The following SRPK2 variants were observed in gnomAD, a reference collection of about 807,000 sequenced individuals.
SRPK2 encodes the protein SFRS protein kinase 2.
A neutral mutation model predicts 90.8 loss-of-function variants in SRPK2; 21 were observed. The ratio of observed to expected loss-of-function variants is 0.23; its 90% confidence interval spans 0.16 to 0.33. The LOEUF is 0.33. Among genes scored for constraint, SRPK2 ranks in the 10% least tolerant of loss-of-function variants. The pLI is 1.00. For synonymous variants in SRPK2, 288 were observed against 311.1 expected (o/e 0.93, Z 0.78); for missense variants, 620 against 869.0 (o/e 0.71, Z 3.60).
intron 2 of SRPK2, among the ~76,000 whole-genome samples, chr7:105,232,352 G>A (rs1181111424): frequency 2.6e-5 from 4 of 151,658 alleles, no homozygotes; most frequent in Admixed American, 6.6e-5. Flanking sequence ...TCAGCTACTC[G>A]GGAGGCTGAG....
At chr7:105,125,111 C>G (rs908660141) in intron 15 of SRPK2, among the ~76,000 whole-genome samples, 11 of 113,330 alleles carry the variant, frequency 9.7e-5, no homozygotes, top group Admixed American at 2.5e-4. Flanking sequence ...GCCTGGGCAA[C>G]AGAGCAAGAC....
intron 2 of SRPK2, among the ~76,000 whole-genome samples, chr7:105,333,274 T>C (rs186915311): frequency 1.1e-4 from 16 of 152,338 alleles, no homozygotes; most frequent in Non-Finnish European, 1.8e-4. Flanking sequence ...AAATGTTACA[T>C]TGGAAATTAT....
Position 105,398,112 on chromosome 7 carries a change from G to A in SRPK2, n.153+1044C>T, listed in dbSNP as rs567694638. Among the ~76,000 whole-genome samples, 3 of 152,178 alleles carry A rather than the reference G, an allele frequency of 2.0e-5. No homozygotes were observed. In the South Asian group the frequency reaches 6.2e-4, roughly 32 times the overall value. ...TGGATATATTTTGGTCTCCATAGCAGTCCAAAATAAGTGAAAAAGGCAGTA... is the reference window on the plus strand; with the variant it reads ...TGGATATATTTTGGTCTCCATAGCAATCCAAAATAAGTGAAAAAGGCAGTA... On this transcript the variant is annotated intron_variant and non_coding_transcript_variant, in intron 1 of 3. Coordinates refer to the SRPK2 transcript ENST00000462282.
At chr7:105,360,014 A>T (rs1415938844) in intron 2 of SRPK2, among the ~76,000 whole-genome samples, 1 of 152,136 alleles carries the variant, frequency 6.6e-6, no homozygotes, top group African/African-American at 2.4e-5. Flanking sequence ...TGGGAATCTA[A>T]GTCTCTTTGT....
chr7:105,231,937 A>T (rs1417734004), intron 2 of SRPK2, among the ~76,000 whole-genome samples: 4 of 152,180 alleles, frequency 2.6e-5, no homozygotes, highest in Non-Finnish European at 4.4e-5. Context: ...AACTCACTGT[A>T]ACCTTGAACT....
upstream of SRPK2, among the ~76,000 whole-genome samples, chr7:105,390,279 C>G (rs1304259345): frequency 1.3e-5 from 2 of 152,122 alleles, no homozygotes; most frequent in African/African-American, 4.8e-5. Context: ...TTCAATTTTG[C>G]AAAATATCCC....
At chr7:105,295,368 A>C (rs1809667585) in intron 2 of SRPK2, among the ~76,000 whole-genome samples, 1 of 152,052 alleles carries the variant, frequency 6.6e-6, no homozygotes, top group Non-Finnish European at 1.5e-5. Flanking sequence ...GTAAATTAAT[A>C]TTTCATACTA....
chr7:105,180,090 A>T (rs994343745), intron 3 of SRPK2, among the ~76,000 whole-genome samples: 1 of 152,174 alleles, frequency 6.6e-6, no homozygotes, highest in African/African-American at 2.4e-5. Flanking sequence ...TAAAGTCCAT[A>T]AGGAACCAAA....
Position 105,185,705 on chromosome 7 carries a change from T to C in SRPK2, c.230-16440A>G, listed in dbSNP as rs1793490806. ...AAGGTCTCTATGTGGAAAACAAAAC[T>C]GATTTTTGAGCCTCACTCGAAAGCC... On this transcript the variant is annotated intron_variant, in intron 3 of 15. Transcript: ENST00000393651. 2.0e-5 allele frequency among the ~76,000 whole-genome samples: 3 copies of C among 152,324 alleles called. No homozygotes were observed. In the South Asian group the frequency reaches 6.2e-4, roughly 32 times the overall value.
intron 2 of SRPK2, among the ~76,000 whole-genome samples, chr7:105,268,555 T>C (rs1228917497): frequency 6.6e-6 from 1 of 152,226 alleles, no homozygotes; most frequent in Non-Finnish European, 1.5e-5. Flanking sequence ...CTGTCACACA[T>C]GAACCAGCGG....
At chr7:105,342,061 C>T (rs375912399) in intron 2 of SRPK2, among the ~76,000 whole-genome samples, 1 of 151,968 alleles carries the variant, frequency 6.6e-6, no homozygotes, top group Non-Finnish European at 1.5e-5. Flanking sequence ...GTCGGGAGAT[C>T]GAGACCATCC....
chr7:105,137,845 C>A (rs1021155519), intron 11 of SRPK2, among the ~76,000 whole-genome samples: 1 of 152,202 alleles, frequency 6.6e-6, no homozygotes, highest in African/African-American at 2.4e-5. Flanking sequence ...TTCATTGTTT[C>A]TCTTGCCTCA....
Position 105,241,776 on chromosome 7 carries a change from T to C in SRPK2, c.72-37991A>G, listed in dbSNP as rs140427012. On this transcript the variant is annotated intron_variant, in intron 2 of 15. Transcript: ENST00000393651. ...TATTTCATTACCAGCCCAACTCTCA[T>C]CTTTCTCCCTTCACACGTTCCATAT... Among the ~76,000 whole-genome samples, 444 of 152,212 alleles carry C rather than the reference T, an allele frequency of 2.9e-3. 1 individual carries two copies. The highest frequency in any genetic ancestry group is 9.9e-3 in the African/African-American group (411 of 41,516).
chr7:105,231,949 C>T (rs1453326645), intron 2 of SRPK2, among the ~76,000 whole-genome samples: 4 of 152,176 alleles, frequency 2.6e-5, no homozygotes, highest in Non-Finnish European at 4.4e-5. Context: ...CCTTGAACTC[C>T]TGGGCTCTAG....
chr7:105,311,310 G>A (rs1419865864), intron 2 of SRPK2, among the ~76,000 whole-genome samples: 1 of 152,062 alleles, frequency 6.6e-6, no homozygotes, highest in Non-Finnish European at 1.5e-5. Flanking sequence ...TGGACTTACT[G>A]CAACTTCCAC....
At chr7:105,168,601 A>ATGTTT (rs1255894276) in intron 4 of SRPK2, among the ~76,000 whole-genome samples, 1 of 152,094 alleles carries the variant, frequency 6.6e-6, no homozygotes, top group African/African-American at 2.4e-5. Flanking sequence ...AATCTCTTTT[A>ATGTTT]TGTTTTGTTT....
At chr7:105,293,486 T>TC (rs1437133478) in intron 2 of SRPK2, among the ~76,000 whole-genome samples, 1 of 151,846 alleles carries the variant, frequency 6.6e-6, no homozygotes, top group Non-Finnish European at 1.5e-5. Flanking sequence ...TTTGCAACCT[T>TC]CCCCCTCCAC....
intron 15 of SRPK2, chr7:105,125,723 C>T: frequency 1.3e-6 from 1 of 771,002 alleles, no homozygotes; most frequent in Non-Finnish European, 1.8e-6. Context: ...CACGAATGCA[C>T]AATTTCTCCT....
At chr7:105,362,740 T>G (rs1818580478) in intron 2 of SRPK2, among the ~76,000 whole-genome samples, 1 of 152,098 alleles carries the variant, frequency 6.6e-6, no homozygotes, top group South Asian at 2.1e-4. Flanking sequence ...TAAAGACACA[T>G]GTACATGTAT....
Sources: allele counts gnomAD v4.1 joint callset (sites outside exome capture counted in the v4.1 genomes callset), GRCh38; gene constraint gnomAD v4.1.1; transcripts MANE v1.5; gene names NCBI Gene and HGNC (gene_info 2026-07-23, HGNC 2026-07-21).